Variants in RNF17 observed in about 807,000 individuals in gnomAD.
The protein encoded by RNF17 is ring finger protein 17, also known as spermatogenesis associated 23.
A neutral mutation model predicts 200.5 loss-of-function variants in RNF17; 31 were observed. The ratio of observed to expected loss-of-function variants is 0.15; its 90% confidence interval spans 0.12 to 0.21. RNF17 has a LOEUF of 0.21. Ranked by LOEUF, RNF17 falls within the 10% of genes least tolerant of loss-of-function variation. The probability of loss-of-function intolerance (pLI) is 1.00; values close to 1 mark genes in which losing one functional copy is unlikely to be tolerated. For synonymous variants in RNF17, 606 were observed against 637.8 expected, an observed-to-expected ratio of 0.95 and a Z score of 0.75; for missense variants, 1,628 against 1,905.1, an observed-to-expected ratio of 0.85 and a Z score of 2.71.
At chr13:24,858,588 A>AT (rs1892769026) in intron 25 of RNF17, among the ~76,000 whole-genome samples, 1 of 150,388 alleles carries the variant, frequency 6.6e-6, no homozygotes, top group Admixed American at 6.7e-5. Flanking sequence ...ATATATATAT[A>AT]TATATGTTTA....
intron 12 of RNF17, 53 bp downstream of exon 12, chr13:24,799,637 G>T: frequency 8.6e-7 from 1 of 1,159,528 alleles, no homozygotes; most frequent in Non-Finnish European, 1.2e-6. Flanking sequence ...ATTTTGGAGG[G>T]AGGTGGAGTT....
chr13:24,858,339 A>G (rs1390042262), intron 25 of RNF17, among the ~76,000 whole-genome samples: 2 of 152,194 alleles, frequency 1.3e-5, no homozygotes, highest in Non-Finnish European at 1.5e-5. Flanking sequence ...GTAGCCTGTT[A>G]TCTGCCAGGC....
rs1347736052 is a variant in RNF17 at position 24,864,880 on chromosome 13, C to T, written c.3983C>T (p.Pro1328Leu). ...TTATTGAACTTTAAATAGGAGTTAC[C>T]TAAAAATCCATGGGAGAAATTGTCT... ...RQVDIHIMEL[P>L]KNPWEKLSIH... Residue 1328 changes from proline (P) to leucine (L), a missense_variant, in exon 29 of 36, where the codon CCT becomes CTT. Around this residue, in one of 5 missense-constraint regions of RNF17, gnomAD observed 609 missense variants for 681.9 expected, o/e 0.89. Coordinates refer to ENST00000255324, the MANE Select transcript of RNF17 (RefSeq NM_031277.3). The T allele has an allele frequency of 1.3e-6, 2 of 1,542,918 alleles. No homozygotes were observed. The highest frequency in any genetic ancestry group is 1.8e-6 in the Non-Finnish European group (2 of 1,131,354).
At chr13:24,824,601 G>C (rs1053313123) in intron 15 of RNF17, among the ~76,000 whole-genome samples, 2 of 151,882 alleles carry the variant, frequency 1.3e-5, no homozygotes, top group Non-Finnish European at 2.9e-5. Context: ...GATTATAATA[G>C]ATAGCACCAT....
intron 22 of RNF17, among the ~76,000 whole-genome samples, chr13:24,846,018 A>G (rs1891222520): frequency 6.6e-6 from 1 of 152,200 alleles, no homozygotes; most frequent in Non-Finnish European, 1.5e-5. Flanking sequence ...ACTTGAGGCC[A>G]GGAGTTCAAG....
chr13:24,870,755 TTGAA>T lies in RNF17; in HGVS notation c.4447+21_4447+24del. 6.2e-7 allele frequency: 1 copy of T among 1,609,766 alleles called. No individual in the cohort carries two copies. Among genetic ancestry groups the T allele is most frequent in the African/African-American group, 1.3e-5 (1 of 74,846 alleles). On this transcript the variant is annotated intron_variant, in intron 32 of 35. Coordinates refer to ENST00000255324, the MANE Select transcript of RNF17 (RefSeq NM_031277.3). The stretch of plus-strand genomic sequence containing the variant: ...TTTAGAACAGGTATACTTACTATAT[TTGAA>T]TGAAACAGGATACTTAATAAAACTT...
At chr13:24,765,751 C>T (rs9318790) in intron 1 of RNF17, among the ~76,000 whole-genome samples, 31,885 of 152,070 alleles carry the variant, frequency 0.21, 3,722 homozygotes, top group South Asian at 0.34. Context: ...GCTTTTTAAG[C>T]TGTAATTCAC....
chr13:24,762,157 C>T (rs1442341846), upstream of RNF17, among the ~76,000 whole-genome samples: 1 of 152,018 alleles, frequency 6.6e-6, no homozygotes, highest in Non-Finnish European at 1.5e-5. Flanking sequence ...ACTGCCTGAG[C>T]TCAGGAGTTT....
At chr13:24,887,264 TTATAAG>T in the RNF17 span, among the ~76,000 whole-genome samples, 1 of 152,156 alleles carries the variant, frequency 6.6e-6, no homozygotes, top group African/African-American at 2.4e-5. Context: ...TTTATGTAGA[TTATAAG>T]TATACCACTT....
intron 22 of RNF17, among the ~76,000 whole-genome samples, chr13:24,846,247 T>G (rs1270326496): frequency 2.0e-5 from 3 of 152,238 alleles, no homozygotes; most frequent in Admixed American, 6.5e-5. Flanking sequence ...GTCTACAGTT[T>G]ATGAGCTAAA....
chr13:24,871,848 G>C (rs898974224), intron 32 of RNF17, among the ~76,000 whole-genome samples: 1 of 151,866 alleles, frequency 6.6e-6, no homozygotes, highest in East Asian at 1.9e-4. Flanking sequence ...GGCCGGTCTG[G>C]TCTCGAATTC....
intron 15 of RNF17, among the ~76,000 whole-genome samples, chr13:24,806,722 T>C (rs12858176): frequency 0.23 from 34,618 of 151,086 alleles, 4,460 homozygotes; most frequent in Non-Finnish European, 0.29. Flanking sequence ...TATGTATACA[T>C]GTGCCATGCT....
chr13:24,858,952 TGA>T, intron 25 of RNF17, 47 bp from the exon 26 acceptor site: 1 of 1,180,750 alleles, frequency 8.5e-7, no homozygotes, highest in Admixed American at 2.3e-5. Flanking sequence ...AATTGACAAA[TGA>T]TAGGGAATTT....
At chr13:24,828,148 C>T (rs947920934) in intron 16 of RNF17, among the ~76,000 whole-genome samples, 2 of 152,262 alleles carry the variant, frequency 1.3e-5, no homozygotes, top group Middle Eastern at 3.4e-3. Context: ...GGATTATTGG[C>T]TTGAAAATGT....
chr13:24,780,318 A>G (rs4770741), intron 5 of RNF17, among the ~76,000 whole-genome samples: 65,425 of 151,972 alleles, frequency 0.43, 14,124 homozygotes, highest in Admixed American at 0.47. Context: ...AGAGAAAAAA[A>G]CAACATTGAG....
intron 4 of RNF17, among the ~76,000 whole-genome samples, 197 bp downstream of exon 4, chr13:24,778,603 T>C (rs540147683): frequency 6.6e-6 from 1 of 152,344 alleles, no homozygotes; most frequent in African/African-American, 2.4e-5. Context: ...TGTTCTACCT[T>C]TGACTGACTC....
chr13:24,864,819 A>G, intron 28 of RNF17, 54 bp from the exon 29 acceptor site: 2 of 1,301,888 alleles, frequency 1.5e-6, no homozygotes, highest in Non-Finnish European at 2.2e-6. Context: ...TGACTATAAA[A>G]ATGTCATCAA....
At chr13:24,772,763 A>G (rs1880961733) in intron 2 of RNF17, among the ~76,000 whole-genome samples, 1 of 152,006 alleles carries the variant, frequency 6.6e-6, no homozygotes, top group African/African-American at 2.4e-5. Context: ...GGCGTCCACC[A>G]CCACGCCCAG....
At chr13:24,843,374 G>A (rs540237535) in intron 19 of RNF17, among the ~76,000 whole-genome samples, 7 of 151,904 alleles carry the variant, frequency 4.6e-5, no homozygotes, top group Admixed American at 2.0e-4. Flanking sequence ...AAAAATTAGT[G>A]GGGCATGGTG....
Sources: allele counts gnomAD v4.1 joint callset (sites outside exome capture counted in the v4.1 genomes callset), GRCh38; gene constraint gnomAD v4.1.1; regional missense constraint gnomAD v4.1.1; transcripts MANE v1.5; gene names NCBI Gene and HGNC (gene_info 2026-07-23, HGNC 2026-07-21).